The following S100Z variants were observed in gnomAD, a reference collection of about 807,000 sequenced individuals.
S100Z encodes the protein S100 calcium binding protein Z, also known as protein S100-Z.
S100Z carries 11 observed loss-of-function variants against 8.5 expected under a neutral mutation model. That is an observed-to-expected ratio of 1.30 (90% confidence interval 0.82 to 2.15). S100Z has a LOEUF of 2.15. S100Z is among the 30% of genes most tolerant of loss of function. The probability of loss-of-function intolerance (pLI) is 0.00; values close to 1 mark genes in which losing one functional copy is unlikely to be tolerated. For synonymous variants in S100Z, 34 were observed against 43.8 expected (o/e 0.78, Z 0.89); for missense variants, 126 against 117.9 (o/e 1.07, Z -0.32).
rs1295337392 is a variant in S100Z at position 76,898,935 on chromosome 5, T to TTTC, written c.*2+21103_*2+21104insCTT. 3.5e-3 allele frequency among the ~76,000 whole-genome samples: 491 copies of TTTC among 139,384 alleles called. 3 individuals carry two copies. Among genetic ancestry groups the TTTC allele is most frequent in the South Asian group, 6.2e-3 (25 of 4,060 alleles). 91.4% of individuals were successfully genotyped at this position (139,384 alleles called of 152,430 possible). Reference sequence around the variant, plus strand: ...ATTGGGTCCTGGGCTTTTCTTTTCTTTTTTTTTTTTTTTTTTTGAGACAGA... The same window carrying TTTC: ...ATTGGGTCCTGGGCTTTTCTTTTCTTTTCTTTTTTTTTTTTTTTTTGAGACAGA... On this transcript the variant is annotated intron_variant, in intron 4 of 4. Coordinates refer to ENST00000317593, the MANE Select transcript of S100Z (RefSeq NM_130772.4).
rs774482527 is a variant in S100Z at position 76,850,353 on chromosome 5, A to G, written c.-176+198A>G. Among the ~76,000 whole-genome samples, 1,123 of 132,100 alleles carry G rather than the reference A, an allele frequency of 8.5e-3. 5 individuals are homozygous for G. The highest frequency in any genetic ancestry group is 0.03 in the Middle Eastern group (7 of 232). The allele number at this position is 132,100 out of a possible 152,430, so 86.7% of individuals were successfully genotyped here. A position where few individuals can be genotyped will look rare whatever the true frequency, so the allele number is the denominator to read the frequency against. ...GGGTGGGGGAGAGAGAGAGAGAGAG[A>G]GAGAGGGAGAGAGCAGCCTGATCAT... On this transcript the variant is annotated intron_variant, in intron 1 of 4. Coordinates refer to ENST00000317593, the MANE Select transcript of S100Z (RefSeq NM_130772.4).
chr5:76,926,127 A>G (rs528463885), downstream of S100Z, among the ~76,000 whole-genome samples: 31 of 152,252 alleles, frequency 2.0e-4, no homozygotes, highest in African/African-American at 7.0e-4. Context: ...TAGATACAGG[A>G]TAGTGGAGAA....
downstream of S100Z, among the ~76,000 whole-genome samples, chr5:76,922,084 C>T (rs186247090): frequency 3.1e-3 from 472 of 152,066 alleles, 3 homozygotes; most frequent in Non-Finnish European, 2.5e-3. Context: ...AAAAGTGATA[C>T]CCCAAAGACT....
chr5:76,869,458 C>T (rs921997408), intron 1 of S100Z, among the ~76,000 whole-genome samples: 3 of 152,168 alleles, frequency 2.0e-5, no homozygotes, highest in African/African-American at 4.8e-5. Context: ...ACACAGTGTG[C>T]TCAGAACCTG....
chr5:76,877,677 C>T lies in S100Z; in HGVS notation c.145C>T (p.Gln49Ter). ...GAAATTTCCTTTCTCATTTTAGTGC[C>T]AAAAGGAAACCCAGTTGGTTGATAA... ...QRELTEFLSCQKETQLVDKIV... is the reference protein window; with the variant it reads ...QRELTEFLSC The change falls in exon 4 of 5, where the codon CAA becomes TAA. Residue 49 changes from glutamine (Q) to a stop codon, truncating the protein, a stop_gained. Transcript: ENST00000317593. LOFTEE classifies it high-confidence loss of function. The T allele has an allele frequency of 6.3e-7, 1 of 1,596,070 alleles. No individual in the cohort carries two copies. Among genetic ancestry groups the T allele is most frequent in the Non-Finnish European group, 8.6e-7 (1 of 1,166,894 alleles).
At chr5:76,880,395 G>A (rs986940933) in intron 4 of S100Z, among the ~76,000 whole-genome samples, 10 of 152,106 alleles carry the variant, frequency 6.6e-5, no homozygotes, top group African/African-American at 1.9e-4. Flanking sequence ...TTGGGGTGGC[G>A]AAAGTTTTTG....
At chr5:76,887,285 C>T (rs1178439420) in intron 4 of S100Z, among the ~76,000 whole-genome samples, 1 of 150,346 alleles carries the variant, frequency 6.7e-6, no homozygotes, top group Non-Finnish European at 1.5e-5. Flanking sequence ...TTAGTAGAGA[C>T]AGGGTTTCAC....
At chr5:76,918,683 G>A (rs947091761) in intron 4 of S100Z, among the ~76,000 whole-genome samples, 8 of 152,160 alleles carry the variant, frequency 5.3e-5, no homozygotes, top group Admixed American at 2.0e-4. Flanking sequence ...TAGAACCTAC[G>A]TTGACACATC....
chr5:76,880,531 T>C (rs1743370056), intron 4 of S100Z, among the ~76,000 whole-genome samples: 1 of 152,062 alleles, frequency 6.6e-6, no homozygotes. Context: ...GGGGTGATAT[T>C]GTGGGGTTGT....
chr5:76,892,704 A>G (rs908829058), intron 4 of S100Z, among the ~76,000 whole-genome samples: 1 of 152,232 alleles, frequency 6.6e-6, no homozygotes. Flanking sequence ...AAGCAGTTGC[A>G]TTCTTTTGAG....
At chr5:76,898,155 C>CTTT (rs35746616) in intron 4 of S100Z, among the ~76,000 whole-genome samples, 4 of 146,782 alleles carry the variant, frequency 2.7e-5, no homozygotes, top group Non-Finnish European at 4.5e-5. Context: ...GAGTTATATT[C>CTTT]TTTTTTTTTT....
chr5:76,878,041 T>C (rs12188004), intron 4 of S100Z: 208,914 of 349,546 alleles, frequency 0.6, 65,827 homozygotes, highest in Non-Finnish European at 0.67. Context: ...TATGCCCTAC[T>C]TGAAACTTGC....
At chr5:76,921,988 C>CA (rs35018497), downstream of S100Z, among the ~76,000 whole-genome samples, 515 of 114,612 alleles carry the variant, frequency 4.5e-3, 7 homozygotes, top group East Asian at 0.021. Flanking sequence ...GAGACTGTCT[C>CA]AAAAAAAAAA....
At chr5:76,897,657 C>T (rs1284329807) in intron 4 of S100Z, among the ~76,000 whole-genome samples, 1 of 151,972 alleles carries the variant, frequency 6.6e-6, no homozygotes, top group Non-Finnish European at 1.5e-5. Context: ...CAATTTTCTT[C>T]ATCAGTGTTT....
the S100Z span, among the ~76,000 whole-genome samples, chr5:76,950,708 G>A: frequency 1.3e-5 from 2 of 152,050 alleles, no homozygotes; most frequent in Admixed American, 6.5e-5. Flanking sequence ...AGCATACTTG[G>A]GGACTCTGAG....
chr5:76,929,614 G>A, the S100Z span, among the ~76,000 whole-genome samples: 1 of 152,180 alleles, frequency 6.6e-6, no homozygotes, highest in Admixed American at 6.5e-5. Context: ...GAGGTGACAT[G>A]AGATGGAAGC....
chr5:76,869,068 C>G (rs1338122661), intron 1 of S100Z, among the ~76,000 whole-genome samples: 1 of 152,182 alleles, frequency 6.6e-6, no homozygotes. Flanking sequence ...CTTGGGGAAT[C>G]TTATGTTTCC....
intron 4 of S100Z, among the ~76,000 whole-genome samples, chr5:76,913,627 A>G (rs1744746202): frequency 6.6e-6 from 1 of 152,226 alleles, no homozygotes; most frequent in South Asian, 2.1e-4. Flanking sequence ...TTATCCTACT[A>G]CCACACACTC....
chr5:76,937,563 C>A, the S100Z span, among the ~76,000 whole-genome samples: 1 of 151,728 alleles, frequency 6.6e-6, no homozygotes, highest in Non-Finnish European at 1.5e-5. Context: ...TAAGATCAGC[C>A]TGGACAACAT....
Sources: allele counts gnomAD v4.1 joint callset (sites outside exome capture counted in the v4.1 genomes callset), GRCh38; gene constraint gnomAD v4.1.1; transcripts MANE v1.5; gene names NCBI Gene and HGNC (gene_info 2026-07-23, HGNC 2026-07-21).